Variants in LINGO2 observed in about 807,000 individuals in gnomAD.
The protein encoded by LINGO2 is leucine rich repeat and Ig domain containing 2.
LINGO2 carries 14 observed loss-of-function variants against 30.6 expected under a neutral mutation model. That is an observed-to-expected ratio of 0.46 (90% CI 0.30 to 0.72). The LOEUF is 0.72. LINGO2 is among the 30% of genes least tolerant of loss of function. The pLI, the probability that LINGO2 is intolerant of heterozygous loss-of-function variation, is 0.07. For missense variants in LINGO2, 729 were observed against 751.7 expected (o/e 0.97, Z 0.35); for synonymous variants, 317 against 288.5 (o/e 1.10, Z -1.00).
intron 2 of LINGO2, among the ~76,000 whole-genome samples, chr9:28,420,622 T>C (rs774413608): frequency 7.9e-5 from 12 of 152,076 alleles, no homozygotes; most frequent in Non-Finnish European, 1.3e-4. Flanking sequence ...GGGATTTCTG[T>C]ATAGATACAG....
At chr9:28,890,089 T>C in the LINGO2 span, among the ~76,000 whole-genome samples, 3 of 152,114 alleles carry the variant, frequency 2.0e-5, no homozygotes, top group African/African-American at 7.2e-5. Flanking sequence ...TTTATTTTAC[T>C]ACCATATGCC....
At chr9:28,011,797 G>T (rs1421580340) in intron 5 of LINGO2, among the ~76,000 whole-genome samples, 1 of 152,186 alleles carries the variant, frequency 6.6e-6, no homozygotes, top group African/African-American at 2.4e-5. Context: ...GTTATTCCTG[G>T]CAAGAGAAGT....
At chr9:29,156,753 C>T in the LINGO2 span, among the ~76,000 whole-genome samples, 1 of 152,044 alleles carries the variant, frequency 6.6e-6, no homozygotes, top group Non-Finnish European at 1.5e-5. Context: ...GATACTTCTA[C>T]TACAATGTTG....
chr9:28,591,274 A>G (rs4645625), intron 1 of LINGO2, among the ~76,000 whole-genome samples: 84,874 of 151,770 alleles, frequency 0.56, 24,550 homozygotes, highest in East Asian at 0.7. Flanking sequence ...AAACCTGCAC[A>G]TTGTGCACAT....
chr9:28,790,973 A>T, the LINGO2 span, among the ~76,000 whole-genome samples: 3 of 152,184 alleles, frequency 2.0e-5, no homozygotes, highest in African/African-American at 7.2e-5. Context: ...AGACTGATTG[A>T]AAATCAGAAA....
At chr9:28,995,414 T>A in the LINGO2 span, among the ~76,000 whole-genome samples, 1 of 152,240 alleles carries the variant, frequency 6.6e-6, no homozygotes, top group Non-Finnish European at 1.5e-5. Context: ...ACTTTGACAC[T>A]GCTGGTGGGA....
At chr9:28,588,001 C>T (rs903776470) in intron 1 of LINGO2, among the ~76,000 whole-genome samples, 2 of 151,944 alleles carry the variant, frequency 1.3e-5, no homozygotes, top group African/African-American at 4.8e-5. Flanking sequence ...CCAGGGATAT[C>T]TAACAAAAGG....
the LINGO2 span, among the ~76,000 whole-genome samples, chr9:29,075,161 A>C: frequency 6.6e-6 from 1 of 152,150 alleles, no homozygotes; most frequent in Non-Finnish European, 1.5e-5. Context: ...CAATTGCAGG[A>C]TTCAGGCTAT....
the LINGO2 span, among the ~76,000 whole-genome samples, chr9:28,993,445 G>T: frequency 6.6e-6 from 1 of 152,132 alleles, no homozygotes; most frequent in Non-Finnish European, 1.5e-5. Flanking sequence ...GTACAAGGAG[G>T]AACTGGTAAC....
chr9:28,281,053 G>A (rs1383960063), intron 4 of LINGO2, among the ~76,000 whole-genome samples: 1 of 151,886 alleles, frequency 6.6e-6, no homozygotes, highest in Non-Finnish European at 1.5e-5. Context: ...AAGAACATCT[G>A]GTCAGATATG....
rs139811072 is a variant in LINGO2, at chr9:28,096,827, GACAC to G, written c.-86-84426_-86-84423del. Among the ~76,000 whole-genome samples the G allele has an allele frequency of 9.3e-4, 141 of 152,152 alleles. 2 individuals are homozygous for G. Among genetic ancestry groups the G allele is most frequent in the African/African-American group, 3.3e-3 (135 of 41,518 alleles). On this transcript the variant is annotated intron_variant, in intron 4 of 5. Coordinates refer to ENST00000379992, the Ensembl canonical transcript of LINGO2. ...AATGTCTTGGCATTCATCTGACTCC[GACAC>G]ACAGATTGCTTCAAGAAATAGCCCT...
chr9:28,996,465 A>T, the LINGO2 span, among the ~76,000 whole-genome samples: 1 of 152,172 alleles, frequency 6.6e-6, no homozygotes, highest in Non-Finnish European at 1.5e-5. Flanking sequence ...AAATAAGACA[A>T]GAGCTAGGTA....
chr9:28,723,557 G>C, the LINGO2 span, among the ~76,000 whole-genome samples: 4 of 152,038 alleles, frequency 2.6e-5, no homozygotes, highest in African/African-American at 9.7e-5. Context: ...GATTACAAAA[G>C]AGTGACAGAA....
the LINGO2 span, among the ~76,000 whole-genome samples, chr9:28,846,877 T>C: frequency 6.8e-6 from 1 of 147,482 alleles, no homozygotes; most frequent in Non-Finnish European, 1.5e-5. Context: ...TATTCATTGT[T>C]GGTTAGCAGT....
chr9:28,679,471 C>T, the LINGO2 span, among the ~76,000 whole-genome samples: 4 of 152,104 alleles, frequency 2.6e-5, no homozygotes, highest in South Asian at 2.1e-4. Context: ...ATCCTCAAAA[C>T]GGAAAGTATA....
intron 4 of LINGO2, among the ~76,000 whole-genome samples, chr9:28,261,370 T>G (rs1456748420): frequency 6.6e-6 from 1 of 151,952 alleles, no homozygotes; most frequent in Non-Finnish European, 1.5e-5. Context: ...CACAAGTTTT[T>G]AAAGACACTC....
chr9:28,832,835 T>C, the LINGO2 span, among the ~76,000 whole-genome samples: 3 of 152,182 alleles, frequency 2.0e-5, no homozygotes, highest in East Asian at 5.8e-4. Flanking sequence ...TGCTATATCC[T>C]ATGCACAAAG....
At chr9:28,949,301 A>C in the LINGO2 span, among the ~76,000 whole-genome samples, 3 of 152,148 alleles carry the variant, frequency 2.0e-5, no homozygotes, top group Admixed American at 2.0e-4. Flanking sequence ...ACCCCTCAAA[A>C]ATCAATAAAT....
chr9:29,170,617 TC>T, the LINGO2 span, among the ~76,000 whole-genome samples: 2 of 152,010 alleles, frequency 1.3e-5, no homozygotes, highest in Non-Finnish European at 2.9e-5. Context: ...GAATACTGGA[TC>T]ATGCACATTA....
Sources: allele counts gnomAD v4.1 joint callset (sites outside exome capture counted in the v4.1 genomes callset), GRCh38; gene constraint gnomAD v4.1.1; transcripts MANE v1.5; gene names NCBI Gene and HGNC (gene_info 2026-07-23, HGNC 2026-07-21).